Variants in LDLRAD4 observed in about 807,000 individuals in gnomAD.
LDLRAD4 encodes the protein low-density lipoprotein receptor class A domain-containing protein 4.
A neutral mutation model predicts 17.0 loss-of-function variants in LDLRAD4; 5 were observed. The ratio of observed to expected loss-of-function variants is 0.29; its 90% CI spans 0.15 to 0.62. The LOEUF (loss-of-function observed/expected upper bound fraction) is 0.62. LDLRAD4 is among the 20% of genes least tolerant of loss of function. The probability of loss-of-function intolerance (pLI) is 0.84; values close to 1 mark genes in which losing one functional copy is unlikely to be tolerated. For missense variants in LDLRAD4, 340 were observed against 424.7 expected (o/e 0.80, Z 1.75); for synonymous variants, 168 against 171.8 (o/e 0.98, Z 0.17).
At chr18:13,532,838 C>G (rs1263645320) in intron 3 of LDLRAD4, among the ~76,000 whole-genome samples, 1 of 152,182 alleles carries the variant, frequency 6.6e-6, no homozygotes, top group African/African-American at 2.4e-5. Flanking sequence ...GATGGCATGC[C>G]TGGCCCTGCG....
upstream of LDLRAD4, among the ~76,000 whole-genome samples, chr18:13,276,017 T>C (rs150321169): frequency 4.5e-3 from 687 of 152,322 alleles, 8 homozygotes; most frequent in African/African-American, 0.016. Context: ...TTTATTTATT[T>C]ATTTATTTTG....
rs147260481 is a variant in LDLRAD4, at chr18:13,498,151, G to A, written c.181+59767G>A. On this transcript the variant is annotated intron_variant, in intron 3 of 5. Transcript: ENST00000359446. ...CCATGGACACTGGAGAATCCTTCTC[G>A]CCACACACGTCCCTCTGTGGACACT... Among the ~76,000 whole-genome samples, 7 of 124,894 alleles carry A rather than the reference G, an allele frequency of 5.6e-5. No homozygotes were observed. The East Asian group carries it at 1.0e-3, about 18-fold the overall frequency. 81.9% of individuals were successfully genotyped at this position (124,894 alleles called of 152,430 possible).
exon 6 of LDLRAD4, chr18:13,651,387 T>A (rs1319699104): frequency 6.6e-6 from 1 of 151,860 alleles, no homozygotes; most frequent in Non-Finnish European, 1.5e-5. Flanking sequence ...AAGACCCTGT[T>A]CTTAGAAAAT....
intron 1 of LDLRAD4, among the ~76,000 whole-genome samples, chr18:13,306,777 A>C (rs1395971119): frequency 6.6e-6 from 1 of 152,242 alleles, no homozygotes; most frequent in African/African-American, 2.4e-5. Context: ...CAACAGAGCC[A>C]ACCAAGGAAA....
In LDLRAD4 at chr18:13,528,556, A is replaced by G. The variant is rs766997123; in HGVS notation, c.181+90172A>G. On this transcript the variant is annotated intron_variant, in intron 3 of 5. Transcript: ENST00000359446. ...TCAAACTCCTGACCTCGGGTGATCCACCCACCTTCACCTTCCAAAGTGCTG... is the reference window on the plus strand; with the variant it reads ...TCAAACTCCTGACCTCGGGTGATCCGCCCACCTTCACCTTCCAAAGTGCTG... Among the ~76,000 whole-genome samples, 14 of 152,134 alleles carry G rather than the reference A, an allele frequency of 9.2e-5. No homozygotes were observed. In the Middle Eastern group the frequency reaches 0.014, roughly 148 times the overall value.
At chr18:13,559,872 A>G (rs1430540412) in intron 3 of LDLRAD4, among the ~76,000 whole-genome samples, 1 of 11,244 alleles carries the variant, frequency 8.9e-5, no homozygotes, top group Non-Finnish European at 3.7e-4. Flanking sequence ...CAGCTGGTAC[A>G]CAGCCTCTGC....
At chr18:13,351,881 C>A (rs780103924) in intron 1 of LDLRAD4, among the ~76,000 whole-genome samples, 4 of 152,080 alleles carry the variant, frequency 2.6e-5, no homozygotes, top group African/African-American at 4.8e-5. Context: ...ACTGGCAAAC[C>A]GAATCCAGCA....
intron 3 of LDLRAD4, among the ~76,000 whole-genome samples, chr18:13,525,561 G>A (rs1021061568): frequency 1.3e-5 from 2 of 152,230 alleles, no homozygotes; most frequent in Admixed American, 6.5e-5. Flanking sequence ...TGCTTCAGGG[G>A]GCTGAAATCC....
chr18:13,594,609 T>C (rs1341328705), intron 3 of LDLRAD4, among the ~76,000 whole-genome samples: 1 of 130,308 alleles, frequency 7.7e-6, no homozygotes, highest in Non-Finnish European at 1.5e-5. Context: ...GAGGTTGCAG[T>C]GAGCTGAGAT....
intron 3 of LDLRAD4, among the ~76,000 whole-genome samples, chr18:13,466,802 T>C (rs1344550262): frequency 6.6e-6 from 1 of 152,332 alleles, no homozygotes; most frequent in South Asian, 2.1e-4. Context: ...GCCTGTTTCC[T>C]GGTTCATAGA....
At chr18:13,551,950 A>T (rs1177153845) in intron 3 of LDLRAD4, among the ~76,000 whole-genome samples, 1 of 152,128 alleles carries the variant, frequency 6.6e-6, no homozygotes, top group African/African-American at 2.4e-5. Context: ...AGTGTGTCAC[A>T]TGGCAGGATG....
At chr18:13,639,713 T>A (rs2042364091) in intron 4 of LDLRAD4, among the ~76,000 whole-genome samples, 1 of 152,186 alleles carries the variant, frequency 6.6e-6, no homozygotes, top group Non-Finnish European at 1.5e-5. Flanking sequence ...AATGTCCCCA[T>A]GTACTGTGTG....
chr18:13,514,431 G>A (rs182100662), intron 3 of LDLRAD4: 2 of 152,226 alleles, frequency 1.3e-5, no homozygotes, highest in Admixed American at 6.5e-5. Context: ...CATTTATAAA[G>A]CTAAGAGTTA....
At chr18:13,228,559 GGCA>G (rs1219943050) in intron 1 of LDLRAD4, among the ~76,000 whole-genome samples, 1 of 152,168 alleles carries the variant, frequency 6.6e-6, no homozygotes, top group Non-Finnish European at 1.5e-5. Flanking sequence ...AGGAAATGTC[GGCA>G]GTTGGTTGGC....
chr18:13,302,934 G>A (rs753727284), intron 1 of LDLRAD4, among the ~76,000 whole-genome samples: 2 of 152,258 alleles, frequency 1.3e-5, no homozygotes, highest in Non-Finnish European at 1.5e-5. Flanking sequence ...TTTGGAGCCC[G>A]ACCTGCTGCT....
intron 3 of LDLRAD4, among the ~76,000 whole-genome samples, chr18:13,601,532 T>C (rs558197081): frequency 6.6e-6 from 1 of 151,962 alleles, no homozygotes; most frequent in Admixed American, 6.5e-5. Flanking sequence ...CGGGCGCCTG[T>C]AGTCCCAGCT....
At position 13,262,311 on chromosome 18, in the gene LDLRAD4, T is replaced by TGCGTGGGGGCTGAGTCCCGTGCGGCC. The variant is rs2043897502; in HGVS notation, c.-466-15793_-466-15792insCGTGGGGGCTGAGTCCCGTGCGGCCG. ...GGAAACTGAGTCCCGTGTGGCTCTG[T>TGCGTGGGGGCTGAGTCCCGTGCGGCC]GTGTGTGGAAACTGAGTCCCGTGCG... On this transcript the variant is annotated intron_variant, in intron 1 of 5. Coordinates refer to the LDLRAD4 transcript ENST00000399848. Among the ~76,000 whole-genome samples, 3 of 134,496 alleles carry TGCGTGGGGGCTGAGTCCCGTGCGGCC rather than the reference T, an allele frequency of 2.2e-5. 1 individual carries two copies. The highest frequency in any genetic ancestry group is 9.4e-5 in the African/African-American group (3 of 31,930). The allele number at this position is 134,496 out of a possible 152,430, so 88.2% of individuals were successfully genotyped here.
At chr18:13,458,422 A>G (rs2092262098) in intron 3 of LDLRAD4, among the ~76,000 whole-genome samples, 1 of 152,186 alleles carries the variant, frequency 6.6e-6, no homozygotes, top group South Asian at 2.1e-4. Context: ...GTCCTGCCTG[A>G]CCAGACTTGT....
At chr18:13,434,034 G>T (rs1263473074) in intron 2 of LDLRAD4, among the ~76,000 whole-genome samples, 1 of 152,166 alleles carries the variant, frequency 6.6e-6, no homozygotes, top group African/African-American at 2.4e-5. Flanking sequence ...CCTCACCTGG[G>T]AGGTGAGGGG....
Sources: allele counts gnomAD v4.1 joint callset (sites outside exome capture counted in the v4.1 genomes callset), GRCh38; gene constraint gnomAD v4.1.1; transcripts MANE v1.5; gene names NCBI Gene and HGNC (gene_info 2026-07-23, HGNC 2026-07-21).